MARCHF9: variants seen among roughly 807,000 people sequenced by gnomAD.
The protein encoded by MARCHF9 is membrane associated ring-CH-type finger 9.
Under a neutral mutation model 35.2 loss-of-function variants are expected in MARCHF9, and 17 were observed. The observed-to-expected ratio is 0.48, with a 90% CI of 0.33 to 0.72. The LOEUF is 0.72. Ranked by LOEUF, MARCHF9 falls within the 30% of genes least tolerant of loss-of-function variation. MARCHF9 has a pLI of 0.02. For synonymous variants in MARCHF9, 183 were observed against 207.4 expected (o/e 0.88, Z 1.01); for missense variants, 386 against 478.2 (o/e 0.81, Z 1.80).
At position 57,755,751 on chromosome 12, in the gene MARCHF9, CG is replaced by C; in HGVS notation, c.226del (p.Ala76ProfsTer48). On this transcript the variant is annotated frameshift_variant, in exon 1 of 4. Transcript: ENST00000266643. LOFTEE classifies it high-confidence loss of function. ...ARGLAGDKEP[R>X]AGPLPPPAPP... ...GGGCCTGGCCGGCGACAAGGAGCCG[CG>C]GGCCGGACCCCTGCCGCCGCCCGCG... The C allele has an allele frequency of 8.2e-7, 1 of 1,218,076 alleles. No homozygotes were observed. Among genetic ancestry groups the C allele is most frequent in the East Asian group, 3.4e-5 (1 of 29,142 alleles). 75.5% of individuals were successfully genotyped at this position (1,218,076 alleles called of 1,614,324 possible). A position where few individuals can be genotyped will look rare whatever the true frequency, so the allele number is the denominator to read the frequency against.
intron 1 of MARCHF9, among the ~76,000 whole-genome samples, chr12:57,756,395 G>T (rs1208706145): frequency 6.6e-6 from 1 of 152,090 alleles, no homozygotes; most frequent in Non-Finnish European, 1.5e-5. Flanking sequence ...AGTGCCAGGG[G>T]GTGTCTCTGT....
chr12:57,758,940 AGAG>A lies in MARCHF9; in HGVS notation c.*44_*46del, dbSNP rs762318277. 2 of 1,504,850 alleles carry A rather than the reference AGAG, an allele frequency of 1.3e-6. No homozygotes were observed. The highest frequency in any genetic ancestry group is 2.6e-5 in the South Asian group (2 of 77,794). The allele number at this position is 1,504,850 out of a possible 1,614,324, so 93.2% of individuals were successfully genotyped here. ...GGGATCTTGAGTCAATGCATCAGTC[AGAG>A]AAGAACTCTCATGGCTGCTGGAGGT... On this transcript the variant is annotated 3_prime_UTR_variant, in exon 4 of 4. Transcript: ENST00000266643. The surrounding 1 kb of genome is among the most constrained non-coding windows in gnomAD (Gnocchi z 5.4).
In MARCHF9 at chr12:57,755,219, G is replaced by C. The variant is rs1955275714; in HGVS notation, c.-310G>C. 5.8e-6 allele frequency: 1 copy of C among 173,460 alleles called. No individual in the cohort carries two copies. Among genetic ancestry groups the C allele is most frequent in the Non-Finnish European group, 1.2e-5 (1 of 82,580 alleles). 10.7% of individuals were successfully genotyped at this position (173,460 alleles called of 1,614,324 possible). ...GGCGGCCCCGCCGCAGGAGGACCCGGGCGCGTAACCCCGGGGGCCCGGCCC... is the reference window on the plus strand; with the variant it reads ...GGCGGCCCCGCCGCAGGAGGACCCGCGCGCGTAACCCCGGGGGCCCGGCCC... On this transcript the variant is annotated 5_prime_UTR_variant, in exon 1 of 4. Coordinates refer to ENST00000266643, the MANE Select transcript of MARCHF9 (RefSeq NM_138396.6).
intron 1 of MARCHF9, 32 bp from the exon 2 acceptor site, chr12:57,756,897 G>A (rs781193187): frequency 5.4e-6 from 8 of 1,468,948 alleles, no homozygotes; most frequent in African/African-American, 1.4e-5. Context: ...GGTGGTGATG[G>A]CTGACAGGGC....
intron 1 of MARCHF9, among the ~76,000 whole-genome samples, chr12:57,756,580 C>T (rs555067799): frequency 1.8e-4 from 27 of 152,252 alleles, no homozygotes; most frequent in African/African-American, 6.5e-4. Context: ...CTCAGAAGCT[C>T]TAACACTCCC....
Position 57,758,206 on chromosome 12 carries a change from G to A in MARCHF9, c.612G>A (p.Trp204Ter). The change falls in exon 3 of 4, where the codon TGG becomes TGA. Residue 204 changes from tryptophan to a stop codon, truncating the protein, a stop_gained. Coordinates refer to ENST00000266643, the MANE Select transcript of MARCHF9 (RefSeq NM_138396.6). LOFTEE classifies it high-confidence loss of function. The surrounding 1 kb of genome is among the most constrained non-coding windows in gnomAD (Gnocchi z 5.4). ...TTGCCAGCATCTCCTGGCTCATCTG[G>A]TCCTCACTCAGCCCTTCAGCCAAGT... ...FLVASISWLI[W>*]SSLSPSAKWQ... is the part of the protein sequence containing the mutation. 1 of 1,614,182 alleles carries A rather than the reference G, an allele frequency of 6.2e-7. No homozygotes were observed. Among genetic ancestry groups the A allele is most frequent in the Non-Finnish European group, 8.5e-7 (1 of 1,180,032 alleles).
At chr12:57,756,064 G>A (rs761235075) in intron 1 of MARCHF9, 179 bp downstream of exon 1, 4 of 379,374 alleles carry the variant, frequency 1.1e-5, no homozygotes, top group African/African-American at 6.5e-5. Context: ...TGTGTCGGAG[G>A]GTCAAGGGTC....
chr12:57,757,906 C>A, intron 2 of MARCHF9: 2 of 673,972 alleles, frequency 3.0e-6, no homozygotes, highest in South Asian at 1.6e-5. Context: ...GAGCACTTGC[C>A]CAATCCTGCC....
rs748110339 is a variant in MARCHF9, at chr12:57,755,796, G to A, written c.268G>A (p.Gly90Ser). 23 of 1,322,428 alleles carry A rather than the reference G, an allele frequency of 1.7e-5. No homozygotes were observed. In the South Asian group the frequency reaches 4.3e-4, roughly 25 times the overall value. The allele number at this position is 1,322,428 out of a possible 1,614,324, so 81.9% of individuals were successfully genotyped here. Residue 90 changes from glycine to serine, a missense_variant, in exon 1 of 4, where the codon GGC becomes AGC. By Grantham distance (56) the Gly-to-Ser change is moderately conservative. This residue lies in a region of MARCHF9 where 219 missense variants were observed against 316.2 expected (regional missense o/e 0.69). Transcript: ENST00000266643. ...GCCCGCGCCGCCGCTGCCGCCCCCG[G>A]GCGCGCTGGACGCCCTGTCGCTCAG... Reference protein sequence around the residue: ...PPPAPPLPPPGALDALSLSSS... With the variant: ...PPPAPPLPPPSALDALSLSSS...
At position 57,759,714 on chromosome 12, in the gene MARCHF9, C is replaced by G. The variant is rs893800454; in HGVS notation, c.*817C>G. Reference sequence around the variant, plus strand: ...GGATAAATGAGGGACAGGTTGGATGCCGTTGCAGAGAAAATCAGCAATGAC... The same window carrying G: ...GGATAAATGAGGGACAGGTTGGATGGCGTTGCAGAGAAAATCAGCAATGAC... On this transcript the variant is annotated 3_prime_UTR_variant, in exon 4 of 4. Transcript: ENST00000266643. 10 of 152,186 alleles carry G rather than the reference C, an allele frequency of 6.6e-5. No individual in the cohort carries two copies. The highest frequency in any genetic ancestry group is 2.4e-4 in the African/African-American group (10 of 41,436). 9.4% of individuals were successfully genotyped at this position (152,186 alleles called of 1,614,324 possible). A position where few individuals can be genotyped will look rare whatever the true frequency, so the allele number is the denominator to read the frequency against.
Position 57,758,779 on chromosome 12 carries a change from T to C in MARCHF9, c.923T>C (p.Leu308Pro). ...CCAGCTGCCCAGCGCATGCGGACGC[T>C]CTTGCCTCAGCGCTGCGGTTATACA... ...RPPAAQRMRT[L>P]LPQRCGYTIL... The change falls in exon 4 of 4, where the codon CTC becomes CCC. Residue 308 changes from leucine (L) to proline (P), a missense_variant. Physicochemically the swap from Leu to Pro is moderately conservative, Grantham distance 98. Around this residue, in one of 3 missense-constraint regions of MARCHF9, gnomAD observed 111 missense variants for 112.4 expected, o/e 0.99. Transcript: ENST00000266643. The surrounding 1 kb of genome is among the most constrained non-coding windows in gnomAD (Gnocchi z 5.4). 5 of 1,613,236 alleles carry C rather than the reference T, an allele frequency of 3.1e-6. No individual in the cohort carries two copies. The highest frequency in any genetic ancestry group is 4.2e-6 in the Non-Finnish European group (5 of 1,179,810).
At position 57,758,078 on chromosome 12, in the gene MARCHF9, G is replaced by A. The variant is rs902231518; in HGVS notation, c.514-30G>A. 2.5e-6 allele frequency: 4 copies of A among 1,613,802 alleles called. No homozygotes were observed. On this transcript the variant is annotated intron_variant, in intron 2 of 3. Transcript: ENST00000266643. The surrounding 1 kb of genome is among the most constrained non-coding windows in gnomAD (Gnocchi z 5.4). ...TCACCTGGCCCTCCATCCCTTTCTG[G>A]GACTCTTTGGAGCCCTTTCTCCCAC... is the stretch of plus-strand genomic sequence containing the variant.
At chr12:57,757,919 T>C in intron 2 of MARCHF9, 189 bp from the exon 3 acceptor site, 2 of 702,740 alleles carry the variant, frequency 2.8e-6, no homozygotes, top group Non-Finnish European at 5.1e-6. Context: ...ATCCTGCCTT[T>C]CTAAAGTAAG....
Position 57,759,113 on chromosome 12 carries a change from C to T in MARCHF9, c.*216C>T, listed in dbSNP as rs895183500. ...ATTTCAGTACCCGCTGGCAGCTCCT[C>T]CCACTCATCCAGAGACGGCCGGTGG... is the stretch of plus-strand genomic sequence containing the variant. On this transcript the variant is annotated 3_prime_UTR_variant, in exon 4 of 4. Coordinates refer to ENST00000266643, the MANE Select transcript of MARCHF9 (RefSeq NM_138396.6). 9.6e-6 allele frequency: 5 copies of T among 521,572 alleles called. No homozygotes were observed. The highest frequency in any genetic ancestry group is 1.7e-5 in the Non-Finnish European group (5 of 298,766). 32.3% of individuals were successfully genotyped at this position (521,572 alleles called of 1,614,324 possible). A position where few individuals can be genotyped will look rare whatever the true frequency, so the allele number is the denominator to read the frequency against.
intron 1 of MARCHF9, among the ~76,000 whole-genome samples, chr12:57,756,463 T>C (rs1357008425): frequency 6.6e-6 from 1 of 152,116 alleles, no homozygotes; most frequent in Non-Finnish European, 1.5e-5. Context: ...ACCTCCGCGA[T>C]TTCTCCCCTT....
intron 1 of MARCHF9, 62 bp from the exon 2 acceptor site, chr12:57,756,867 G>A (rs922091492): frequency 5.7e-6 from 8 of 1,395,928 alleles, no homozygotes; most frequent in East Asian, 2.8e-5. Context: ...CTGTCGGGGA[G>A]CGCGGCTGAG....
In MARCHF9 at chr12:57,758,302, T is replaced by TGAG; in HGVS notation, c.706+4_706+6dup. ...GCTTCATGGATGTCGTCTGCATAGG[T>TGAG]GAGGGCACCTCTCTCTCCTTTACCT... is the stretch of plus-strand genomic sequence containing the variant. On this transcript the variant is annotated splice_region_variant and intron_variant, in intron 3 of 3. Coordinates refer to ENST00000266643, the MANE Select transcript of MARCHF9 (RefSeq NM_138396.6). The surrounding 1 kb of genome is among the most constrained non-coding windows in gnomAD (Gnocchi z 5.4). 2 of 1,605,010 alleles carry TGAG rather than the reference T, an allele frequency of 1.2e-6. No homozygotes were observed. The highest frequency in any genetic ancestry group is 8.5e-7 in the Non-Finnish European group (1 of 1,172,718).
At chr12:57,757,931 C>A (rs752347928) in intron 2 of MARCHF9, 177 bp from the exon 3 acceptor site, 2 of 722,382 alleles carry the variant, frequency 2.8e-6, no homozygotes, top group East Asian at 2.7e-5. Flanking sequence ...TAAAGTAAGA[C>A]AAATGGTGTC....
At position 57,759,043 on chromosome 12, in the gene MARCHF9, C is replaced by T. The variant is rs1463201470; in HGVS notation, c.*146C>T. The T allele has an allele frequency of 9.9e-6, 8 of 811,386 alleles. No homozygotes were observed. Among genetic ancestry groups the T allele is most frequent in the Non-Finnish European group, 1.5e-5 (8 of 534,342 alleles). 50.3% of individuals were successfully genotyped at this position (811,386 alleles called of 1,614,324 possible). ...TGTGTGGGTAGCCTCAAGCTGGAGACATTGTCTGGCCTCACTGCCCACTGG... is the reference window on the plus strand; with the variant it reads ...TGTGTGGGTAGCCTCAAGCTGGAGATATTGTCTGGCCTCACTGCCCACTGG... On this transcript the variant is annotated 3_prime_UTR_variant, in exon 4 of 4. Coordinates refer to ENST00000266643, the MANE Select transcript of MARCHF9 (RefSeq NM_138396.6).
Sources: allele counts gnomAD v4.1 joint callset (sites outside exome capture counted in the v4.1 genomes callset), GRCh38; gene constraint gnomAD v4.1.1; regional missense constraint gnomAD v4.1.1; non-coding constraint Gnocchi (gnomAD v3.1); transcripts MANE v1.5; gene names NCBI Gene and HGNC (gene_info 2026-07-23, HGNC 2026-07-21).